PRPF39: variants seen among roughly 807,000 people sequenced by gnomAD.
The protein encoded by PRPF39 is pre-mRNA-processing factor 39.
Under a neutral mutation model 82.1 loss-of-function variants are expected in PRPF39, and 27 were observed. The ratio of observed to expected loss-of-function variants is 0.33; its 90% CI spans 0.24 to 0.45. PRPF39 has a LOEUF of 0.45. Ranked by LOEUF, PRPF39 falls within the 20% of genes least tolerant of loss-of-function variation. The pLI, the probability that PRPF39 is intolerant of heterozygous loss-of-function variation, is 1.00. For missense variants in PRPF39, 581 were observed against 796.9 expected, an observed-to-expected ratio of 0.73 and a Z score of 3.26; for synonymous variants, 261 against 256.4, an observed-to-expected ratio of 1.02 and a Z score of -0.17.
In PRPF39 at chr14:45,116,025, A is replaced by C. The variant is rs1884824898; in HGVS notation, c.*1112A>C. The C allele has an allele frequency of 1.8e-6, 1 of 558,556 alleles. No homozygotes were observed. The highest frequency in any genetic ancestry group is 2.4e-5 in the South Asian group (1 of 42,334). 34.6% of individuals were successfully genotyped at this position (558,556 alleles called of 1,614,324 possible). On this transcript the variant is annotated 3_prime_UTR_variant, in exon 14 of 14. Coordinates refer to ENST00000355765, the MANE Select transcript of PRPF39 (RefSeq NM_017922.4). ...AAGTATTTTAGACCAGGGATTCATA[A>C]GGGATTTATCTCTCAAAAGCTGGGA...
At chr14:45,095,964 C>T (rs1387896833) in intron 2 of PRPF39, 139 bp from the exon 3 acceptor site, 15 of 627,948 alleles carry the variant, frequency 2.4e-5, no homozygotes, top group South Asian at 6.8e-5. Context: ...GCTGCTCCAT[C>T]GGCAGAGCAG....
rs1259919956 is a variant in PRPF39 at position 45,107,614 on chromosome 14, A to G, written c.901A>G (p.Lys301Glu). The G allele has an allele frequency of 3.9e-6, 6 of 1,551,498 alleles. No homozygotes were observed. Among genetic ancestry groups the G allele is most frequent in the Admixed American group, 2.0e-5 (1 of 50,908 alleles). Residue 301 changes from lysine (K) to glutamate (E), a missense_variant and splice_region_variant, in exon 6 of 14, where the codon AAG (lysine) becomes GAG (glutamate). Coordinates refer to ENST00000355765, the MANE Select transcript of PRPF39 (RefSeq NM_017922.4). Reference sequence around the variant, plus strand: ...AATTGAAGACATAACCGATCCTGCAAAGGTAACCAGTCTTATTCTAAAGTT... The same window carrying G: ...AATTGAAGACATAACCGATCCTGCAGAGGTAACCAGTCTTATTCTAAAGTT... ...SGIEDITDPA[K>E]LITEIENMRH...
chr14:45,089,528 G>C (rs1034458617), intron 1 of PRPF39, among the ~76,000 whole-genome samples: 1 of 152,120 alleles, frequency 6.6e-6, no homozygotes, highest in South Asian at 2.1e-4. Flanking sequence ...GAGTGCAGTG[G>C]CACGATCACG....
intron 1 of PRPF39, among the ~76,000 whole-genome samples, chr14:45,087,740 AT>A (rs35926249): frequency 0.43 from 53,356 of 123,356 alleles, 10,342 homozygotes; most frequent in East Asian, 0.58. Flanking sequence ...TGCCCGGCTA[AT>A]TTTTTTTTTT....
chr14:45,115,949 GAGGTAAA>G lies in PRPF39; in HGVS notation c.*1040_*1046del. ...ATTGAGCCACTTAAGTTTACAACAT[GAGGTAAA>G]AGGAAAAAGTTCTCCTTGACCAGTA... is the stretch of plus-strand genomic sequence containing the variant. On this transcript the variant is annotated 3_prime_UTR_variant, in exon 14 of 14. Coordinates refer to ENST00000355765, the MANE Select transcript of PRPF39 (RefSeq NM_017922.4). The G allele has an allele frequency of 2.4e-6, 1 of 423,274 alleles. No homozygotes were observed. Among genetic ancestry groups the G allele is most frequent in the South Asian group, 3.8e-5 (1 of 26,002 alleles). The allele number at this position is 423,274 out of a possible 1,614,324, so 26.2% of individuals were successfully genotyped here.
rs1884676781 is a variant in PRPF39, at chr14:45,110,896, GA to G, written c.1572+82del. The stretch of plus-strand genomic sequence containing the variant: ...GTATTTTCACTGTGGCAACTGTGAT[GA>G]AAGATTTGGTCTGTATGTAATAGAT... On this transcript the variant is annotated intron_variant, in intron 10 of 13. Coordinates refer to ENST00000355765, the MANE Select transcript of PRPF39 (RefSeq NM_017922.4). The surrounding 1 kb of genome is among the most constrained non-coding windows in gnomAD (Gnocchi z 4.0). 1.5e-6 allele frequency: 2 copies of G among 1,297,470 alleles called. No individual in the cohort carries two copies. The highest frequency in any genetic ancestry group is 3.0e-5 in the African/African-American group (2 of 66,840). 80.4% of individuals were successfully genotyped at this position (1,297,470 alleles called of 1,614,324 possible).
At position 45,116,144 on chromosome 14, in the gene PRPF39, A is replaced by G. The variant is rs1297390634; in HGVS notation, c.*1231A>G. ...TCTAACTAGTTGTGTAAATTTCTTC[A>G]AGGCCAAGTTTTATCATTGTTGCTA... On this transcript the variant is annotated 3_prime_UTR_variant, in exon 14 of 14. Coordinates refer to ENST00000355765, the MANE Select transcript of PRPF39 (RefSeq NM_017922.4). The G allele has an allele frequency of 2.3e-6, 3 of 1,328,470 alleles. No individual in the cohort carries two copies. Among genetic ancestry groups the G allele is most frequent in the Non-Finnish European group, 3.2e-6 (3 of 927,388 alleles). The allele number at this position is 1,328,470 out of a possible 1,614,324, so 82.3% of individuals were successfully genotyped here.
chr14:45,096,302 T>C (rs1471799747), intron 3 of PRPF39, 74 bp downstream of exon 3: 15 of 1,474,590 alleles, frequency 1.0e-5, no homozygotes, highest in East Asian at 1.0e-4. Context: ...AAGATTTTTT[T>C]TTTTTTTTTT....
In PRPF39 at chr14:45,102,713, G is replaced by T; in HGVS notation, c.737+17G>T. On this transcript the variant is annotated intron_variant, in intron 5 of 13. Coordinates refer to ENST00000355765, the MANE Select transcript of PRPF39 (RefSeq NM_017922.4). ...TTTTCAGAGGTAGGTGGGAAATTCTGATCATTGAAACATCTTTGATTACTC... is the reference window on the plus strand; with the variant it reads ...TTTTCAGAGGTAGGTGGGAAATTCTTATCATTGAAACATCTTTGATTACTC... 6.4e-7 allele frequency: 1 copy of T among 1,564,432 alleles called. No homozygotes were observed. Among genetic ancestry groups the T allele is most frequent in the South Asian group, 1.2e-5 (1 of 84,446 alleles).
In PRPF39 at chr14:45,092,626, T is replaced by G. The variant is rs1043266416; in HGVS notation, c.-19-2595T>G. Among the ~76,000 whole-genome samples, 10 of 141,318 alleles carry G rather than the reference T, an allele frequency of 7.1e-5. No individual in the cohort carries two copies. In the South Asian group the frequency reaches 2.0e-3, roughly 28 times the overall value. The allele number at this position is 141,318 out of a possible 152,430, so 92.7% of individuals were successfully genotyped here. A position where few individuals can be genotyped will look rare whatever the true frequency, so the allele number is the denominator to read the frequency against. On this transcript the variant is annotated intron_variant, in intron 1 of 13. Transcript: ENST00000355765. ...AAAAAAAAAAAAAAAAAAAAAAAAG[T>G]CGTCAGCATCTTTCCAAATTTAGTA...
At chr14:45,098,168 A>G (rs908656811) in intron 4 of PRPF39, among the ~76,000 whole-genome samples, 3 of 152,148 alleles carry the variant, frequency 2.0e-5, no homozygotes, top group Admixed American at 6.5e-5. Context: ...TAATCCCAGC[A>G]CTTTGGGAGG....
At chr14:45,098,401 C>T (rs1234877779) in intron 4 of PRPF39, among the ~76,000 whole-genome samples, 5 of 149,576 alleles carry the variant, frequency 3.3e-5, no homozygotes, top group East Asian at 2.0e-4. Context: ...CAAGATCGAT[C>T]GTGCCACTGC....
At chr14:45,104,828 G>T (rs1884478071) in intron 5 of PRPF39, among the ~76,000 whole-genome samples, 2 of 152,134 alleles carry the variant, frequency 1.3e-5, no homozygotes, top group Admixed American at 1.3e-4. Flanking sequence ...AAAGGGCAGT[G>T]TTGTTTTATA....
At chr14:45,091,057 T>A (rs1884008229) in intron 1 of PRPF39, among the ~76,000 whole-genome samples, 1 of 148,760 alleles carries the variant, frequency 6.7e-6, no homozygotes. Flanking sequence ...TCTTTCTTTT[T>A]CTTTTTCCTT....
At chr14:45,099,853 C>G (rs1265429922) in intron 4 of PRPF39, among the ~76,000 whole-genome samples, 1 of 152,090 alleles carries the variant, frequency 6.6e-6, no homozygotes, top group African/African-American at 2.4e-5. Flanking sequence ...TTTGATGATA[C>G]TAAGGATAGT....
In PRPF39 at chr14:45,097,019, T is replaced by C. The variant is rs1398423889; in HGVS notation, c.569+14T>C. The C allele has an allele frequency of 2.0e-6, 3 of 1,513,164 alleles. No homozygotes were observed. The highest frequency in any genetic ancestry group is 2.6e-6 in the Non-Finnish European group (3 of 1,136,342). The allele number at this position is 1,513,164 out of a possible 1,614,324, so 93.7% of individuals were successfully genotyped here. The stretch of plus-strand genomic sequence containing the variant: ...TACAATAAGAGGGTATGTGGAACAT[T>C]GATACTGAAATGTTTTTTATGATAT... On this transcript the variant is annotated intron_variant, in intron 4 of 13. Transcript: ENST00000355765.
At position 45,112,421 on chromosome 14, in the gene PRPF39, G is replaced by C; in HGVS notation, c.1676G>C (p.Gly559Ala). 1 of 1,554,982 alleles carries C rather than the reference G, an allele frequency of 6.4e-7. No homozygotes were observed. The highest frequency in any genetic ancestry group is 1.2e-5 in the South Asian group (1 of 80,282). ...ILNCFDKAVH[G>A]SLPIKMRITF... ...AATTGTTTTGACAAAGCTGTACATG[G>C]TTCATTACCTATTAAAATGAGAATT... Residue 559 changes from glycine to alanine, a missense_variant, in exon 11 of 14, where the codon GGT becomes GCT. Transcript: ENST00000355765.
intron 5 of PRPF39, among the ~76,000 whole-genome samples, chr14:45,106,086 A>G (rs768448245): frequency 1.4e-4 from 21 of 152,226 alleles, no homozygotes; most frequent in South Asian, 1.0e-3. Flanking sequence ...ACGGTGGCTC[A>G]CACCTGTAAT....
intron 4 of PRPF39, 148 bp from the exon 5 acceptor site, chr14:45,102,381 G>A: frequency 1.7e-6 from 1 of 573,270 alleles, no homozygotes; most frequent in South Asian, 3.0e-5. Flanking sequence ...TATGCTTTCT[G>A]TTATTCTGTC....
Sources: gnomAD v4.1 joint callset for allele counts (sites outside exome capture counted in the v4.1 genomes callset) on GRCh38, gnomAD v4.1.1 for gene constraint, Gnocchi (gnomAD v3.1) non-coding constraint, MANE v1.5 for transcripts, NCBI Gene and HGNC (gene_info 2026-07-23, HGNC 2026-07-21) for gene names.